UNC5D: variants seen among roughly 807,000 people sequenced by gnomAD.
UNC5D encodes the protein netrin receptor UNC5D.
UNC5D carries 39 observed loss-of-function variants against 105.4 expected under a neutral mutation model. That is an observed-to-expected ratio of 0.37 (90% CI 0.29 to 0.48). The LOEUF is 0.48. Ranked by LOEUF, UNC5D falls within the 20% of genes least tolerant of loss-of-function variation. The pLI, the probability that UNC5D is intolerant of heterozygous loss-of-function variation, is 0.98. For missense variants in UNC5D, 991 were observed against 1,202.4 expected, an observed-to-expected ratio of 0.82 and a Z score of 2.60; for synonymous variants, 452 against 450.4, an observed-to-expected ratio of 1.00 and a Z score of -0.04.
intron 1 of UNC5D, among the ~76,000 whole-genome samples, chr8:35,294,881 A>G (rs1014166280): frequency 2.0e-5 from 3 of 152,108 alleles, no homozygotes; most frequent in Non-Finnish European, 4.4e-5. Flanking sequence ...TTGAAAGTGT[A>G]TGTATCCTGT....
intron 15 of UNC5D, among the ~76,000 whole-genome samples, chr8:35,770,556 C>T (rs1801964924): frequency 6.6e-6 from 1 of 152,122 alleles, no homozygotes; most frequent in Non-Finnish European, 1.5e-5. Flanking sequence ...AAATTTAACC[C>T]TATTGAATTA....
At chr8:35,361,645 A>C (rs1167917159) in intron 1 of UNC5D, among the ~76,000 whole-genome samples, 1 of 152,140 alleles carries the variant, frequency 6.6e-6, no homozygotes, top group African/African-American at 2.4e-5. Context: ...CTTGCAGCCA[A>C]CTGAGTCTGT....
At chr8:35,335,670 A>G (rs1027663300) in intron 1 of UNC5D, among the ~76,000 whole-genome samples, 3 of 152,088 alleles carry the variant, frequency 2.0e-5, no homozygotes, top group Non-Finnish European at 4.4e-5. Context: ...TTTACTTGTA[A>G]CATGAGATGT....
rs201548657 is a variant in UNC5D, at chr8:35,594,951, ATT to A, written c.467-602_467-601del. ...GAAGGGCACTACCCAAATACCCAGC[ATT>A]GCTGTTTGACTGGAGGGCGTTGTGT... On this transcript the variant is annotated intron_variant, in intron 3 of 16. Coordinates refer to ENST00000404895, the MANE Select transcript of UNC5D (RefSeq NM_080872.4). Among the ~76,000 whole-genome samples, 1,010 of 152,310 alleles carry A rather than the reference ATT, an allele frequency of 6.6e-3. 14 individuals carry two copies. Among genetic ancestry groups the A allele is most frequent in the African/African-American group, 0.022 (927 of 41,558 alleles).
At position 35,639,344 on chromosome 8, in the gene UNC5D, T is replaced by C. The variant is rs201577417; in HGVS notation, c.570+43687T>C. On this transcript the variant is annotated intron_variant, in intron 4 of 16. Coordinates refer to ENST00000404895, the MANE Select transcript of UNC5D (RefSeq NM_080872.4). ...GTTTACAGTTCTTTAGGAGATTTGGTATAAAAATTGCCTTCACCAAAAATT... is the reference window on the plus strand; with the variant it reads ...GTTTACAGTTCTTTAGGAGATTTGGCATAAAAATTGCCTTCACCAAAAATT... Among the ~76,000 whole-genome samples the C allele has an allele frequency of 2.6e-4, 40 of 152,306 alleles. 1 individual carries two copies. In the East Asian group the frequency reaches 7.0e-3, roughly 27 times the overall value.
At chr8:35,414,141 T>C (rs1805384932) in intron 1 of UNC5D, among the ~76,000 whole-genome samples, 1 of 152,156 alleles carries the variant, frequency 6.6e-6, no homozygotes, top group Non-Finnish European at 1.5e-5. Context: ...AATTTTTTTC[T>C]CTGGCTGTAT....
intron 1 of UNC5D, among the ~76,000 whole-genome samples, chr8:35,447,310 T>G (rs958073750): frequency 2.0e-5 from 3 of 152,100 alleles, no homozygotes; most frequent in African/African-American, 7.2e-5. Flanking sequence ...TTATAAGGCA[T>G]ATAGCATTCA....
chr8:35,417,086 A>G (rs912868106), intron 1 of UNC5D, among the ~76,000 whole-genome samples: 2 of 152,188 alleles, frequency 1.3e-5, no homozygotes, highest in Non-Finnish European at 2.9e-5. Flanking sequence ...TGTGTTACAA[A>G]CAATCCAACT....
chr8:35,451,695 C>G (rs1808163231), intron 1 of UNC5D, among the ~76,000 whole-genome samples: 1 of 152,144 alleles, frequency 6.6e-6, no homozygotes, highest in African/African-American at 2.4e-5. Flanking sequence ...CTTGGTCCTG[C>G]TATGATGCTG....
intron 1 of UNC5D, among the ~76,000 whole-genome samples, chr8:35,253,441 C>G (rs1373122054): frequency 1.4e-5 from 2 of 145,964 alleles, no homozygotes; most frequent in African/African-American, 5.1e-5. Context: ...TTTTTTTTCC[C>G]TCTGTAGAGT....
At chr8:35,548,008 A>T (rs560134757) in intron 1 of UNC5D, among the ~76,000 whole-genome samples, 4 of 152,214 alleles carry the variant, frequency 2.6e-5, no homozygotes, top group African/African-American at 7.2e-5. Context: ...AATGTAGGCC[A>T]GAAGTCTCAA....
In UNC5D at chr8:35,620,642, G is replaced by GGACCATTTTAAGTGCTGA. The variant is rs571698040; in HGVS notation, c.570+24993_570+25010dup. 8.0e-3 allele frequency among the ~76,000 whole-genome samples: 1,216 copies of GGACCATTTTAAGTGCTGA among 152,136 alleles called. 14 individuals are homozygous for GGACCATTTTAAGTGCTGA. The highest frequency in any genetic ancestry group is 0.028 in the African/African-American group (1,163 of 41,476). On this transcript the variant is annotated intron_variant, in intron 4 of 16. Transcript: ENST00000404895. ...TTACCTTATCTCCTGTTTAGTGCTGGGACCATTTTAAGTGCTGAGACCATT... is the reference window on the plus strand; with the variant it reads ...TTACCTTATCTCCTGTTTAGTGCTGGGACCATTTTAAGTGCTGAGACCATTTTAAGTGCTGAGACCATT...
chr8:35,506,531 T>C (rs1304913840), intron 1 of UNC5D, among the ~76,000 whole-genome samples: 4 of 152,224 alleles, frequency 2.6e-5, no homozygotes, highest in Admixed American at 2.6e-4. Flanking sequence ...AATCATTCAG[T>C]GTCAGAGACA....
chr8:35,773,727 T>G (rs1409846448), intron 15 of UNC5D, among the ~76,000 whole-genome samples: 1 of 152,172 alleles, frequency 6.6e-6, no homozygotes, highest in African/African-American at 2.4e-5. Context: ...TTATTTTGTT[T>G]TGTTTTTTGT....
At chr8:35,606,481 T>G (rs1007137817) in intron 4 of UNC5D, among the ~76,000 whole-genome samples, 9 of 152,158 alleles carry the variant, frequency 5.9e-5, no homozygotes, top group African/African-American at 2.2e-4. Context: ...TATGGGTAAA[T>G]TGCATGTCAC....
At chr8:35,456,849 G>A (rs369570226) in intron 1 of UNC5D, among the ~76,000 whole-genome samples, 4 of 152,300 alleles carry the variant, frequency 2.6e-5, no homozygotes, top group Admixed American at 6.5e-5. Flanking sequence ...TAGTAAACAT[G>A]CATTATACGA....
At chr8:35,658,221 G>C (rs1823889601) in intron 4 of UNC5D, among the ~76,000 whole-genome samples, 1 of 152,262 alleles carries the variant, frequency 6.6e-6, no homozygotes, top group African/African-American at 2.4e-5. Flanking sequence ...GTCTGTGTAA[G>C]AAATTATTTG....
intron 1 of UNC5D, among the ~76,000 whole-genome samples, chr8:35,242,271 C>T (rs1802850631): frequency 6.6e-6 from 1 of 152,080 alleles, no homozygotes; most frequent in South Asian, 2.1e-4. Flanking sequence ...AATGCTATGG[C>T]TTCCCAGTCA....
At chr8:35,765,596 A>G (rs1204448429) in intron 14 of UNC5D, among the ~76,000 whole-genome samples, 1 of 152,206 alleles carries the variant, frequency 6.6e-6, no homozygotes, top group East Asian at 1.9e-4. Flanking sequence ...AGTCCACCAG[A>G]AAGTATCCAA....
Sources: allele counts gnomAD v4.1 joint callset (sites outside exome capture counted in the v4.1 genomes callset), GRCh38; gene constraint gnomAD v4.1.1; transcripts MANE v1.5; gene names NCBI Gene and HGNC (gene_info 2026-07-23, HGNC 2026-07-21).